Variants in RGS6 observed in about 807,000 individuals in gnomAD.
The protein encoded by RGS6 is regulator of G protein signaling 6, also known as regulator of G-protein signaling 6.
Under a neutral mutation model 78.5 loss-of-function variants are expected in RGS6, and 30 were observed. The observed-to-expected ratio is 0.38, with a 90% CI of 0.29 to 0.52. The LOEUF (loss-of-function observed/expected upper bound fraction) is 0.52. RGS6 is among the 20% of genes least tolerant of loss of function. The pLI, the probability that RGS6 is intolerant of heterozygous loss-of-function variation, is 0.85. For synonymous variants in RGS6, 206 were observed against 206.0 expected, an observed-to-expected ratio of 1.00 and a Z score of 0.00; for missense variants, 495 against 609.7, an observed-to-expected ratio of 0.81 and a Z score of 1.98.
intron 15 of RGS6, among the ~76,000 whole-genome samples, chr14:72,526,162 G>A (rs1042892734): frequency 6.6e-6 from 1 of 151,206 alleles, no homozygotes; most frequent in Non-Finnish European, 1.5e-5. Flanking sequence ...GGTGTGTGGT[G>A]GCACAATCTC....
chr14:72,277,670 A>T (rs2060908608), intron 2 of RGS6, among the ~76,000 whole-genome samples: 1 of 151,184 alleles, frequency 6.6e-6, no homozygotes, highest in African/African-American at 2.4e-5. Context: ...GCTCCTGCCT[A>T]TAATCCTAGC....
At chr14:72,462,748 C>G (rs1208326142) in intron 6 of RGS6, among the ~76,000 whole-genome samples, 1 of 152,216 alleles carries the variant, frequency 6.6e-6, no homozygotes, top group Non-Finnish European at 1.5e-5. Context: ...ATCTCCATCA[C>G]TAACTAGCCC....
At chr14:72,262,027 A>C (rs936098801) in intron 2 of RGS6, among the ~76,000 whole-genome samples, 5 of 152,066 alleles carry the variant, frequency 3.3e-5, no homozygotes, top group African/African-American at 1.2e-4. Context: ...ATTAACCTAC[A>C]ACATCTTGGA....
At chr14:71,910,421 T>A in the RGS6 span, among the ~76,000 whole-genome samples, 1 of 152,224 alleles carries the variant, frequency 6.6e-6, no homozygotes, top group African/African-American at 2.4e-5. Flanking sequence ...CTTCTCTTTG[T>A]CCTGTCATTT....
At chr14:72,542,988 G>A (rs2097346306) in intron 17 of RGS6, among the ~76,000 whole-genome samples, 2 of 152,182 alleles carry the variant, frequency 1.3e-5, no homozygotes, top group Admixed American at 1.3e-4. Flanking sequence ...AGGAAGTGCT[G>A]TATGAGCTTC....
At chr14:72,098,004 A>G (rs555026857) in intron 2 of RGS6, among the ~76,000 whole-genome samples, 1 of 152,298 alleles carries the variant, frequency 6.6e-6, no homozygotes, top group South Asian at 2.1e-4. Flanking sequence ...TAGGTGGCTT[A>G]TACCTCTCCT....
the RGS6 span, among the ~76,000 whole-genome samples, chr14:71,900,944 T>A: frequency 1.3e-5 from 2 of 152,032 alleles, no homozygotes; most frequent in Non-Finnish European, 2.9e-5. Flanking sequence ...GATCCTAGAC[T>A]CTTAACAACC....
chr14:72,020,153 G>A lies in RGS6; in HGVS notation c.84+55278G>A, dbSNP rs147363525. ...TGATCTTGTAATCCCAGTATATCTGGAGTAGTCAATTATGAATTTTCTAAT... is the reference window on the plus strand; with the variant it reads ...TGATCTTGTAATCCCAGTATATCTGAAGTAGTCAATTATGAATTTTCTAAT... On this transcript the variant is annotated intron_variant, in intron 2 of 17. Coordinates refer to ENST00000553525, the MANE Select transcript of RGS6 (RefSeq NM_001204424.2). Among the ~76,000 whole-genome samples, 589 of 152,310 alleles carry A rather than the reference G, an allele frequency of 3.9e-3. 12 individuals are homozygous for A. Among genetic ancestry groups the A allele is most frequent in the Admixed American group, 0.034 (525 of 15,292 alleles).
intron 2 of RGS6, among the ~76,000 whole-genome samples, chr14:71,996,374 T>C (rs1369069391): frequency 6.6e-6 from 1 of 151,918 alleles, no homozygotes; most frequent in Non-Finnish European, 1.5e-5. Flanking sequence ...CATTACTAGA[T>C]GTAAGTGATA....
chr14:72,422,153 C>A (rs2094218350), intron 3 of RGS6, among the ~76,000 whole-genome samples: 1 of 152,174 alleles, frequency 6.6e-6, no homozygotes, highest in South Asian at 2.1e-4. Flanking sequence ...CACCTCCTTG[C>A]CTTCTGCCAT....
chr14:72,629,580 G>C, the RGS6 span: 1 of 1,497,540 alleles, frequency 6.7e-7, no homozygotes, highest in Non-Finnish European at 9.0e-7. Context: ...AAGGACCCCA[G>C]CTCTGTGGAT....
At chr14:72,168,620 A>G (rs2096963537) in intron 2 of RGS6, among the ~76,000 whole-genome samples, 1 of 152,334 alleles carries the variant, frequency 6.6e-6, no homozygotes, top group South Asian at 2.1e-4. Context: ...AATAAAATAT[A>G]TAATTAAATT....
chr14:72,200,628 C>T (rs1443081808), intron 2 of RGS6, among the ~76,000 whole-genome samples: 1 of 151,938 alleles, frequency 6.6e-6, no homozygotes, highest in Non-Finnish European at 1.5e-5. Flanking sequence ...ACACACAGTC[C>T]TCCTCAGTGA....
intron 2 of RGS6, among the ~76,000 whole-genome samples, chr14:72,191,301 T>C (rs1254378584): frequency 1.3e-5 from 2 of 150,726 alleles, no homozygotes; most frequent in Non-Finnish European, 3.0e-5. Context: ...TAAATGAGGT[T>C]TCAACTCACA....
Position 72,424,741 on chromosome 14 carries a change from T to G in RGS6, c.185-29787T>G, listed in dbSNP as rs2094359174. 2.0e-5 allele frequency among the ~76,000 whole-genome samples: 3 copies of G among 152,258 alleles called. No homozygotes were observed. The South Asian group carries it at 6.2e-4, about 31-fold the overall frequency. On this transcript the variant is annotated intron_variant, in intron 3 of 17. Coordinates refer to ENST00000553525, the MANE Select transcript of RGS6 (RefSeq NM_001204424.2). ...CATTAGTATTTTCTGGACATCATCT[T>G]GTTTATATGGATTTTATTCATTGTA... is the stretch of plus-strand genomic sequence containing the variant.
At chr14:72,625,860 A>G in the RGS6 span, among the ~76,000 whole-genome samples, 2 of 152,216 alleles carry the variant, frequency 1.3e-5, no homozygotes, top group Admixed American at 1.3e-4. Context: ...TGACTTTGAG[A>G]AACTAGACTC....
intron 2 of RGS6, among the ~76,000 whole-genome samples, chr14:72,148,394 T>A (rs1255157388): frequency 6.6e-6 from 1 of 152,192 alleles, no homozygotes; most frequent in Non-Finnish European, 1.5e-5. Flanking sequence ...TGAGACCCTG[T>A]CTTTTAAAAA....
chr14:72,223,047 T>C (rs565526958), intron 2 of RGS6, among the ~76,000 whole-genome samples: 1 of 152,370 alleles, frequency 6.6e-6, no homozygotes, highest in East Asian at 1.9e-4. Flanking sequence ...ATTAATGAGA[T>C]TTAACTGCAT....
At chr14:72,341,626 G>C (rs757060501) in intron 2 of RGS6, among the ~76,000 whole-genome samples, 1 of 152,216 alleles carries the variant, frequency 6.6e-6, no homozygotes, top group African/African-American at 2.4e-5. Flanking sequence ...AGCAAAACAG[G>C]CTGGGAGGAG....
Sources: gnomAD v4.1 joint callset for allele counts (sites outside exome capture counted in the v4.1 genomes callset) on GRCh38, gnomAD v4.1.1 for gene constraint, MANE v1.5 for transcripts, NCBI Gene and HGNC (gene_info 2026-07-23, HGNC 2026-07-21) for gene names.